KAZN: variants seen among roughly 807,000 people sequenced by gnomAD.
The protein encoded by KAZN is kazrin.
KAZN carries 40 observed loss-of-function variants against 87.4 expected under a neutral mutation model. The ratio of observed to expected loss-of-function variants is 0.46; its 90% confidence interval spans 0.36 to 0.60. The LOEUF (loss-of-function observed/expected upper bound fraction) is 0.60, where lower values mean the gene tolerates loss of function less well. KAZN is among the 20% of genes least tolerant of loss of function. KAZN has a pLI of 0.00. For missense variants in KAZN, 898 were observed against 1,073.9 expected (o/e 0.84, Z 2.29); for synonymous variants, 466 against 458.3 (o/e 1.02, Z -0.22).
At chr1:14,635,373 G>A (rs1386013470) in intron 1 of KAZN, among the ~76,000 whole-genome samples, 1 of 152,178 alleles carries the variant, frequency 6.6e-6, no homozygotes. Flanking sequence ...CTTGCCCGTG[G>A]ATGTGACACC....
chr1:14,983,934 C>T (rs1004869923), intron 2 of KAZN, among the ~76,000 whole-genome samples: 1 of 151,890 alleles, frequency 6.6e-6, no homozygotes, highest in Non-Finnish European at 1.5e-5. Flanking sequence ...AAGAACAAAA[C>T]TCTGTCCCAA....
chr1:13,951,741 A>C (rs1207470600), intron 1 of KAZN, among the ~76,000 whole-genome samples: 1 of 152,090 alleles, frequency 6.6e-6, no homozygotes, highest in East Asian at 1.9e-4. Flanking sequence ...GCTGTCCATG[A>C]TGATCATGCT....
At chr1:15,029,986 G>T (rs1310815270) in intron 2 of KAZN, among the ~76,000 whole-genome samples, 1 of 152,140 alleles carries the variant, frequency 6.6e-6, no homozygotes, top group African/African-American at 2.4e-5. Flanking sequence ...GTGCTCTCCT[G>T]CTACTCTCCA....
intron 2 of KAZN, among the ~76,000 whole-genome samples, chr1:14,197,076 G>A (rs755630557): frequency 1.3e-5 from 2 of 152,094 alleles, no homozygotes; most frequent in Admixed American, 6.5e-5. Context: ...GTGGATTCTG[G>A]GGGCGTGAGC....
chr1:14,147,869 G>A (rs996924489), intron 1 of KAZN, among the ~76,000 whole-genome samples: 3 of 151,680 alleles, frequency 2.0e-5, no homozygotes, highest in Non-Finnish European at 4.4e-5. Flanking sequence ...GTACATAAGA[G>A]GTTTTTAATG....
At chr1:14,436,835 C>T (rs1044528627) in intron 2 of KAZN, among the ~76,000 whole-genome samples, 51 of 152,036 alleles carry the variant, frequency 3.4e-4, no homozygotes, top group African/African-American at 1.1e-3. Flanking sequence ...GGCCAAGGTC[C>T]GACAGCTGGT....
At chr1:14,890,989 A>G (rs566494911) in intron 1 of KAZN, among the ~76,000 whole-genome samples, 4 of 151,234 alleles carry the variant, frequency 2.6e-5, no homozygotes, top group East Asian at 3.9e-4. Flanking sequence ...GACTACAGGC[A>G]CCCGTCACCA....
chr1:14,236,831 G>T (rs905754698), intron 2 of KAZN, among the ~76,000 whole-genome samples: 1 of 152,078 alleles, frequency 6.6e-6, no homozygotes, highest in Non-Finnish European at 1.5e-5. Context: ...GGCTGAGGTG[G>T]CCAGATTGAT....
intron 2 of KAZN, among the ~76,000 whole-genome samples, chr1:14,563,322 G>A (rs1421421590): frequency 2.6e-5 from 4 of 152,090 alleles, no homozygotes; most frequent in Non-Finnish European, 5.9e-5. Context: ...AGATTCCCTG[G>A]CCTCACTCCC....
chr1:13,955,280 G>A (rs61775585), intron 1 of KAZN, among the ~76,000 whole-genome samples: 19,560 of 152,014 alleles, frequency 0.13, 1,311 homozygotes, highest in East Asian at 0.15. Context: ...GCTCATAACC[G>A]TTATACCCGT....
intron 1 of KAZN, among the ~76,000 whole-genome samples, chr1:14,857,048 G>A (rs777797528): frequency 2.6e-5 from 4 of 152,202 alleles, no homozygotes; most frequent in Non-Finnish European, 4.4e-5. Flanking sequence ...AGAGAAGGAA[G>A]CCAACCACGC....
intron 8 of KAZN, among the ~76,000 whole-genome samples, chr1:15,090,347 G>A (rs1038378426): frequency 6.6e-6 from 1 of 152,238 alleles, no homozygotes; most frequent in Non-Finnish European, 1.5e-5. Context: ...CAGGCTGGAG[G>A]CCTCCCGGGG....
intron 1 of KAZN, among the ~76,000 whole-genome samples, chr1:14,689,167 C>G (rs995866165): frequency 1.3e-5 from 2 of 152,052 alleles, no homozygotes; most frequent in Non-Finnish European, 2.9e-5. Context: ...TGCACTCCAG[C>G]CTGGGCGACA....
At chr1:14,345,464 T>G (rs1658039034) in intron 2 of KAZN, among the ~76,000 whole-genome samples, 1 of 148,028 alleles carries the variant, frequency 6.8e-6, no homozygotes, top group Admixed American at 6.8e-5. Flanking sequence ...TTAATTTCAA[T>G]AGCATATTTT....
chr1:14,957,559 A>G (rs2101748821), intron 1 of KAZN, among the ~76,000 whole-genome samples: 1 of 152,274 alleles, frequency 6.6e-6, no homozygotes, highest in Admixed American at 6.5e-5. Flanking sequence ...CCACGTCACT[A>G]CGGGGTTTTG....
chr1:14,090,217 C>A (rs1454823211), intron 1 of KAZN, among the ~76,000 whole-genome samples: 1 of 152,026 alleles, frequency 6.6e-6, no homozygotes, highest in Non-Finnish European at 1.5e-5. Flanking sequence ...TTCCCTCATC[C>A]CCCTCTGGCT....
At chr1:14,628,393 A>G (rs1679307800) in intron 1 of KAZN, among the ~76,000 whole-genome samples, 1 of 152,224 alleles carries the variant, frequency 6.6e-6, no homozygotes, top group South Asian at 2.1e-4. Flanking sequence ...GCCTTGTTTA[A>G]AAATTTAGAT....
intron 1 of KAZN, among the ~76,000 whole-genome samples, chr1:14,156,864 C>G (rs1022402611): frequency 2.0e-5 from 3 of 149,112 alleles, no homozygotes; most frequent in African/African-American, 7.3e-5. Flanking sequence ...TAAGGATTTA[C>G]TCCTGCCATT....
intron 2 of KAZN, among the ~76,000 whole-genome samples, chr1:14,520,029 A>G (rs896437033): frequency 6.6e-6 from 1 of 152,174 alleles, no homozygotes; most frequent in African/African-American, 2.4e-5. Context: ...GGTGGTGGCA[A>G]GAAGACGCCT....
Sources: gnomAD v4.1 joint callset for allele counts (sites outside exome capture counted in the v4.1 genomes callset) on GRCh38, gnomAD v4.1.1 for gene constraint, MANE v1.5 for transcripts, NCBI Gene and HGNC (gene_info 2026-07-23, HGNC 2026-07-21) for gene names.